LINGO1: variants seen among roughly 807,000 people sequenced by gnomAD.
LINGO1 encodes leucine-rich repeat and immunoglobulin-like domain-containing nogo receptor-interacting protein 1.
A neutral mutation model predicts 37.3 loss-of-function variants in LINGO1; 11 were observed. The ratio of observed to expected loss-of-function variants is 0.29; its 90% CI spans 0.19 to 0.49. The LOEUF is 0.49. Among genes scored for constraint, LINGO1 ranks in the 20% least tolerant of loss-of-function variants. LINGO1 has a pLI of 0.99. For missense variants in LINGO1, 585 were observed against 878.2 expected (o/e 0.67, Z 4.22); for synonymous variants, 387 against 403.0 (o/e 0.96, Z 0.48).
At chr15:77,690,884 G>A (rs1596113452) in exon 2 of LINGO1, 1 of 152,346 alleles carries the variant, frequency 6.6e-6, no homozygotes, top group East Asian at 1.9e-4. Context: ...AGGTAGCCAG[G>A]TCATGGTCAT....
chr15:77,789,200 A>G (rs952375161), upstream of LINGO1, among the ~76,000 whole-genome samples: 5 of 152,210 alleles, frequency 3.3e-5, no homozygotes, highest in East Asian at 1.9e-4. Context: ...CCAATACCTC[A>G]GTATGTGATC....
intron 3 of LINGO1, among the ~76,000 whole-genome samples, chr15:77,643,954 G>A (rs768821751): frequency 3.9e-5 from 6 of 152,166 alleles, no homozygotes; most frequent in African/African-American, 7.2e-5. Context: ...TCCCCGCTCC[G>A]CCCTCATTCC....
chr15:77,783,174 C>T (rs763519640), intron 1 of LINGO1, among the ~76,000 whole-genome samples: 1 of 152,176 alleles, frequency 6.6e-6, no homozygotes, highest in Non-Finnish European at 1.5e-5. Flanking sequence ...ACGGCCCTGT[C>T]GTTTCCCTCC....
intron 1 of LINGO1, among the ~76,000 whole-genome samples, chr15:77,775,147 C>T (rs2076624652): frequency 6.6e-6 from 1 of 152,176 alleles, no homozygotes. Context: ...GGCCTCCAAC[C>T]CGCCCCTTTC....
intron 3 of LINGO1, among the ~76,000 whole-genome samples, chr15:77,665,422 T>G (rs1450185025): frequency 6.6e-6 from 1 of 152,230 alleles, no homozygotes; most frequent in African/African-American, 2.4e-5. Context: ...ACTGCTTGTG[T>G]GTGACCCTGG....
chr15:77,746,018 T>A (rs2076310802), intron 1 of LINGO1, among the ~76,000 whole-genome samples: 1 of 151,166 alleles, frequency 6.6e-6, no homozygotes, highest in Non-Finnish European at 1.5e-5. Context: ...AAGACCAGCC[T>A]GGGCAACAAA....
chr15:77,739,107 A>C (rs1468243073), intron 1 of LINGO1, among the ~76,000 whole-genome samples: 1 of 152,234 alleles, frequency 6.6e-6, no homozygotes, highest in Non-Finnish European at 1.5e-5. Flanking sequence ...TGTCCCATTC[A>C]GGAGGGAGCC....
chr15:77,808,412 G>A (rs914888388), intron 1 of LINGO1, among the ~76,000 whole-genome samples: 1 of 152,142 alleles, frequency 6.6e-6, no homozygotes, highest in African/African-American at 2.4e-5. Context: ...TTGAGGATCT[G>A]GATCCAGTGC....
chr15:77,722,008 TG>T (rs1006826796), intron 2 of LINGO1, among the ~76,000 whole-genome samples: 2 of 152,146 alleles, frequency 1.3e-5, no homozygotes, highest in African/African-American at 4.8e-5. Context: ...GGCTGCCTGG[TG>T]GGGGGTGAGG....
intron 3 of LINGO1, among the ~76,000 whole-genome samples, chr15:77,643,664 G>T (rs1471886697): frequency 6.6e-6 from 1 of 152,180 alleles, no homozygotes; most frequent in African/African-American, 2.4e-5. Flanking sequence ...GGAGGTGGGG[G>T]TACTGCAGGT....
chr15:77,708,440 A>G (rs2075879209), intron 2 of LINGO1, among the ~76,000 whole-genome samples: 1 of 152,226 alleles, frequency 6.6e-6, no homozygotes, highest in Non-Finnish European at 1.5e-5. Flanking sequence ...GTCTGGGCCC[A>G]GAAGGAAAAC....
intron 1 of LINGO1, among the ~76,000 whole-genome samples, chr15:77,625,715 T>A (rs1416091017): frequency 6.6e-6 from 1 of 152,182 alleles, no homozygotes; most frequent in Non-Finnish European, 1.5e-5. Context: ...GGACTGGGCC[T>A]GAGGCAGTCA....
rs749940876 is a variant in LINGO1, at chr15:77,614,755, G to T, written c.1152C>A (p.Arg384=). 6.2e-7 allele frequency: 1 copy of T among 1,607,286 alleles called. No homozygotes were observed. Among genetic ancestry groups the T allele is most frequent in the Non-Finnish European group, 8.5e-7 (1 of 1,176,942 alleles). ...DCRLLWVFRR[R]WRLNFNRQQP... ...GCTGCCGGTTGAAGTTGAGCCGCCA[G>T]CGGCGCCGGAACACCCACAGGAGCC... Residue 384 remains arginine, a synonymous_variant, in exon 2 of 2, where the codon CGC becomes CGA. Coordinates refer to ENST00000355300, the MANE Select transcript of LINGO1 (RefSeq NM_032808.7).
In LINGO1 at chr15:77,613,862, T is replaced by G. The variant is rs3144; in HGVS notation, c.*182A>C. 1.6e-6 allele frequency: 1 copy of G among 613,964 alleles called. No homozygotes were observed. The highest frequency in any genetic ancestry group is 2.8e-6 in the Non-Finnish European group (1 of 355,536). 38.0% of individuals were successfully genotyped at this position (613,964 alleles called of 1,614,324 possible). ...CCCCAGGTCTGGGCTTCTGAGGTCC[T>G]GGTAGAAGGAGGGCAGGTGGTGAGG... On this transcript the variant is annotated 3_prime_UTR_variant, in exon 2 of 2. Transcript: ENST00000355300.
At chr15:77,635,893 G>A (rs760060373), upstream of LINGO1, among the ~76,000 whole-genome samples, 3 of 152,234 alleles carry the variant, frequency 2.0e-5, no homozygotes, top group Non-Finnish European at 2.9e-5. Flanking sequence ...AGGAGCCAGT[G>A]GCTGGAAGGA....
upstream of LINGO1, among the ~76,000 whole-genome samples, chr15:77,698,800 G>A (rs1019908050): frequency 2.0e-5 from 3 of 152,196 alleles, no homozygotes; most frequent in South Asian, 4.1e-4. Context: ...GAGAAGGGTC[G>A]GGTGGGCACA....
chr15:77,813,606 C>T (rs1472170909), intron 1 of LINGO1, among the ~76,000 whole-genome samples: 3 of 152,138 alleles, frequency 2.0e-5, no homozygotes, highest in Non-Finnish European at 4.4e-5. Context: ...CCCAGAACAG[C>T]CAGGCCCAGA....
At chr15:77,817,765 G>A (rs937397221) in intron 1 of LINGO1, among the ~76,000 whole-genome samples, 3 of 152,174 alleles carry the variant, frequency 2.0e-5, no homozygotes, top group Admixed American at 6.5e-5. Context: ...GGATACCCTC[G>A]CAGTGGAAAA....
intron 1 of LINGO1, among the ~76,000 whole-genome samples, chr15:77,802,837 CATGGCTGCCTGCTCCACACCCTTCT>C (rs1376031947): frequency 6.6e-6 from 1 of 152,200 alleles, no homozygotes; most frequent in African/African-American, 2.4e-5. Flanking sequence ...GATCCAACCA[CATGGCTGCCTGCTCCACACCCTTCT>C]ATGGCTCCCT....
Sources: allele counts gnomAD v4.1 joint callset (sites outside exome capture counted in the v4.1 genomes callset), GRCh38; gene constraint gnomAD v4.1.1; transcripts MANE v1.5; gene names NCBI Gene and HGNC (gene_info 2026-07-23, HGNC 2026-07-21).